KCTD10: variants seen among roughly 807,000 people sequenced by gnomAD.
KCTD10 encodes the protein potassium channel tetramerization domain containing 10.
In KCTD10, 13 loss-of-function variants were observed where a neutral mutation model predicts 34.6. That is an observed-to-expected ratio of 0.38 (90% CI 0.24 to 0.60). The LOEUF (loss-of-function observed/expected upper bound fraction) is 0.60. Among genes scored for constraint, KCTD10 ranks in the 20% least tolerant of loss-of-function variants. KCTD10 has a pLI of 0.66. For synonymous variants in KCTD10, 156 were observed against 168.8 expected (o/e 0.92, Z 0.59); for missense variants, 256 against 420.3 (o/e 0.61, Z 3.42).
intron 5 of KCTD10, chr12:109,457,266 G>C (rs1873065444): frequency 5.0e-6 from 1 of 201,196 alleles, no homozygotes; most frequent in Non-Finnish European, 1.0e-5. Context: ...TAGGGCTGTG[G>C]GGTTGGGGAA....
chr12:109,463,910 G>A (rs1031953342), intron 2 of KCTD10, among the ~76,000 whole-genome samples: 2 of 152,208 alleles, frequency 1.3e-5, no homozygotes, highest in Non-Finnish European at 2.9e-5. Context: ...CATTATTGCT[G>A]GAAGCAGAGC....
chr12:109,450,005 T>G lies in KCTD10; in HGVS notation c.*1590A>C, dbSNP rs1028758934. The G allele has an allele frequency of 2.9e-6, 1 of 344,220 alleles. No individual in the cohort carries two copies. The highest frequency in any genetic ancestry group is 2.1e-5 in the African/African-American group (1 of 47,492). The allele number at this position is 344,220 out of a possible 1,614,324, so 21.3% of individuals were successfully genotyped here. On this transcript the variant is annotated 3_prime_UTR_variant, in exon 7 of 7. Coordinates refer to ENST00000228495, the MANE Select transcript of KCTD10 (RefSeq NM_031954.5). ...TTTAAAGTTTTATTGTAGACTTTGC[T>G]GTTGGATACAAAATGAAGGCATACA...
In KCTD10 at chr12:109,460,182, G is replaced by A. The variant is rs954853488; in HGVS notation, c.387+454C>T. 3 of 153,728 alleles carry A rather than the reference G, an allele frequency of 2.0e-5. No individual in the cohort carries two copies. Among genetic ancestry groups the A allele is most frequent in the African/African-American group, 7.2e-5 (3 of 41,504 alleles). 9.5% of individuals were successfully genotyped at this position (153,728 alleles called of 1,614,324 possible). A position where few individuals can be genotyped will look rare whatever the true frequency, so the allele number is the denominator to read the frequency against. On this transcript the variant is annotated intron_variant, in intron 3 of 6. Transcript: ENST00000228495. The surrounding 1 kb of genome is among the most constrained non-coding windows in gnomAD (Gnocchi z 4.5). Reference sequence around the variant, plus strand: ...AATAAAGGGGTGTTGGCCATGTCTAGAAGCATTTTGTTTTTGTGGGATTTT... The same window carrying A: ...AATAAAGGGGTGTTGGCCATGTCTAAAAGCATTTTGTTTTTGTGGGATTTT...
chr12:109,460,421 G>T lies in KCTD10; in HGVS notation c.387+215C>A. Reference sequence around the variant, plus strand: ...TGAGAAGATCCAACAGCATGGGGCTGCAAGGAGTGACACAGTAGTTAGGTG... The same window carrying T: ...TGAGAAGATCCAACAGCATGGGGCTTCAAGGAGTGACACAGTAGTTAGGTG... On this transcript the variant is annotated intron_variant, in intron 3 of 6. Transcript: ENST00000228495. The surrounding 1 kb of genome is among the most constrained non-coding windows in gnomAD (Gnocchi z 4.5). 1 of 566,792 alleles carries T rather than the reference G, an allele frequency of 1.8e-6. No individual in the cohort carries two copies. The highest frequency in any genetic ancestry group is 3.0e-5 in the East Asian group (1 of 33,468). 35.1% of individuals were successfully genotyped at this position (566,792 alleles called of 1,614,324 possible).
rs773412685 is a variant in KCTD10, at chr12:109,450,141, G to T, written c.*1454C>A. 3.0e-5 allele frequency: 12 copies of T among 397,570 alleles called. No individual in the cohort carries two copies. The highest frequency in any genetic ancestry group is 1.4e-4 in the South Asian group (1 of 7,278). 24.6% of individuals were successfully genotyped at this position (397,570 alleles called of 1,614,324 possible). On this transcript the variant is annotated 3_prime_UTR_variant, in exon 7 of 7. Transcript: ENST00000228495. ...AAAGGCTGCCCATGTTAATACCTTT[G>T]GTATAAAACGGTAACGATTCCCTTG...
At chr12:109,469,401 A>C in intron 2 of KCTD10, 114 bp downstream of exon 2, 1 of 1,286,388 alleles carries the variant, frequency 7.8e-7, no homozygotes, top group Non-Finnish European at 1.1e-6. Flanking sequence ...GGAGTCCCCA[A>C]CAAGCTGCCT....
chr12:109,452,845 C>T (rs374083574), intron 6 of KCTD10, among the ~76,000 whole-genome samples: 125 of 143,762 alleles, frequency 8.7e-4, no homozygotes, highest in African/African-American at 3.2e-3. Flanking sequence ...GTTTTCTTTC[C>T]TTTTTTTTTA....
At position 109,460,775 on chromosome 12, in the gene KCTD10, T is replaced by C; in HGVS notation, c.248A>G (p.His83Arg). ...AAGGTAGTTGAGTATCGTACCAAAG[T>C]GCTTCCCACAGCGGTCAATGAGGAT... is the stretch of plus-strand genomic sequence containing the variant. ...GWILIDRCGK[H>R]FGTILNYLRD... is the part of the protein sequence containing the mutation. The change falls in exon 3 of 7, where the codon CAC becomes CGC. Residue 83 changes from histidine to arginine, a missense_variant. Physicochemically the swap from His to Arg is conservative, Grantham distance 29. Coordinates refer to ENST00000228495, the MANE Select transcript of KCTD10 (RefSeq NM_031954.5). The surrounding 1 kb of genome is among the most constrained non-coding windows in gnomAD (Gnocchi z 4.5). The C allele has an allele frequency of 1.2e-6, 2 of 1,614,142 alleles. No homozygotes were observed. Among genetic ancestry groups the C allele is most frequent in the Non-Finnish European group, 1.7e-6 (2 of 1,180,006 alleles).
chr12:109,466,172 T>G (rs1873575037), intron 2 of KCTD10, among the ~76,000 whole-genome samples: 1 of 152,188 alleles, frequency 6.6e-6, no homozygotes, highest in Admixed American at 6.5e-5. Flanking sequence ...AGTGTGGAAC[T>G]GCAGCACACT....
At chr12:109,456,644 A>G (rs1201463310) in intron 5 of KCTD10, 1 of 393,394 alleles carries the variant, frequency 2.5e-6, no homozygotes, top group Non-Finnish European at 4.8e-6. Context: ...AGAGCACCTC[A>G]CCGAGCCCCA....
In KCTD10 at chr12:109,471,406, C is replaced by T. The variant is rs1873878942; in HGVS notation, c.4-1678G>A. Reference sequence around the variant, plus strand: ...CAGAGTGAAACAGAGAAAGAACGGCCTCCTGGAAAGAAATGTTTTCTCAAG... The same window carrying T: ...CAGAGTGAAACAGAGAAAGAACGGCTTCCTGGAAAGAAATGTTTTCTCAAG... On this transcript the variant is annotated intron_variant, in intron 1 of 6. Coordinates refer to ENST00000228495, the MANE Select transcript of KCTD10 (RefSeq NM_031954.5). The T allele has an allele frequency of 4.1e-6, 4 of 985,312 alleles. No homozygotes were observed. The South Asian group carries it at 1.4e-4, about 35-fold the overall frequency. 61.0% of individuals were successfully genotyped at this position (985,312 alleles called of 1,614,324 possible). A position where few individuals can be genotyped will look rare whatever the true frequency, so the allele number is the denominator to read the frequency against.
At position 109,456,113 on chromosome 12, in the gene KCTD10, C is replaced by G; in HGVS notation, c.723+5G>C. 6.2e-7 allele frequency: 1 copy of G among 1,614,176 alleles called. No homozygotes were observed. ...CACTCCAAACTGTCCTCTCGAGGCT[C>G]TTACCTTGGTCTGTTTCTTCTCAGT... On this transcript the variant is annotated splice_donor_5th_base_variant and intron_variant, in intron 6 of 6. Transcript: ENST00000228495.
Position 109,460,515 on chromosome 12 carries a change from A to C in KCTD10, c.387+121T>G. 8.8e-7 allele frequency: 1 copy of C among 1,138,318 alleles called. No individual in the cohort carries two copies. Among genetic ancestry groups the C allele is most frequent in the South Asian group, 1.5e-5 (1 of 66,486 alleles). The allele number at this position is 1,138,318 out of a possible 1,614,324, so 70.5% of individuals were successfully genotyped here. ...AGGAATCGGGCTCCAGGGCAAACTC[A>C]TTAACTCTCACAACATCTCAGTCAG... On this transcript the variant is annotated intron_variant, in intron 3 of 6. Transcript: ENST00000228495. The surrounding 1 kb of genome is among the most constrained non-coding windows in gnomAD (Gnocchi z 4.5).
At chr12:109,468,458 C>G (rs144374507) in intron 2 of KCTD10, among the ~76,000 whole-genome samples, 55 of 152,294 alleles carry the variant, frequency 3.6e-4, no homozygotes, top group African/African-American at 1.3e-3. Flanking sequence ...GGGTCAAGGT[C>G]AAGCCAGGCT....
intron 6 of KCTD10, among the ~76,000 whole-genome samples, chr12:109,452,870 T>G (rs1872849095): frequency 9.2e-6 from 1 of 108,600 alleles, no homozygotes; most frequent in Non-Finnish European, 1.9e-5. Flanking sequence ...ATATGGGATC[T>G]GGCTAATTAA....
rs1036827102 is a variant in KCTD10, at chr12:109,451,689, T to G, written c.848A>C (p.His283Pro). 38 of 1,613,708 alleles carry G rather than the reference T, an allele frequency of 2.4e-5. No individual in the cohort carries two copies. The highest frequency in any genetic ancestry group is 3.1e-5 in the Non-Finnish European group (37 of 1,179,916). ...EATGGAAGRS[H>P]HLDEDEERER... ...CCGCTCCTCGTCCTCGTCCAGGTGG[T>G]GGGAGCGCCCCGCCGCCCCGCCTGT... The change falls in exon 7 of 7, where the codon CAC becomes CCC. Residue 283 changes from histidine to proline, a missense_variant. This residue lies in a region of KCTD10 where 60 missense variants were observed against 89.0 expected (regional missense o/e 0.67). Coordinates refer to ENST00000228495, the MANE Select transcript of KCTD10 (RefSeq NM_031954.5). This position sits in a 1 kb window ranked among gnomAD's most constrained non-coding sequence, Gnocchi z 5.0.
rs769683715 is a variant in KCTD10 at position 109,451,556 on chromosome 12, G to T, written c.*39C>A. Reference sequence around the variant, plus strand: ...ATCTGGGTGTAGCACGGCAGGGAGTGGGGGCGGTGAGAGGAGGGCGGCTCG... The same window carrying T: ...ATCTGGGTGTAGCACGGCAGGGAGTTGGGGCGGTGAGAGGAGGGCGGCTCG... On this transcript the variant is annotated 3_prime_UTR_variant, in exon 7 of 7. Transcript: ENST00000228495. This position sits in a 1 kb window ranked among gnomAD's most constrained non-coding sequence, Gnocchi z 5.0. 2.8e-5 allele frequency: 44 copies of T among 1,559,972 alleles called. No homozygotes were observed. The Admixed American group carries it at 7.4e-4, about 26-fold the overall frequency.
At chr12:109,472,059 C>G (rs142174312) in intron 1 of KCTD10, among the ~76,000 whole-genome samples, 60 of 152,262 alleles carry the variant, frequency 3.9e-4, no homozygotes, top group African/African-American at 1.3e-3. Context: ...CTGTACACTA[C>G]TGTAGCTTTA....
intron 2 of KCTD10, among the ~76,000 whole-genome samples, chr12:109,464,435 G>A (rs1873497410): frequency 6.6e-6 from 1 of 152,126 alleles, no homozygotes; most frequent in African/African-American, 2.4e-5. Context: ...AAATGTCTCT[G>A]GACATTGCTA....
Sources: allele counts gnomAD v4.1 joint callset (sites outside exome capture counted in the v4.1 genomes callset), GRCh38; gene constraint gnomAD v4.1.1; regional missense constraint gnomAD v4.1.1; non-coding constraint Gnocchi (gnomAD v3.1); transcripts MANE v1.5; gene names NCBI Gene and HGNC (gene_info 2026-07-23, HGNC 2026-07-21).